Variants in CDK14 observed in about 807,000 individuals in gnomAD.
The protein encoded by CDK14 is cyclin dependent kinase 14, also known as cyclin-dependent kinase 14.
A neutral mutation model predicts 60.7 loss-of-function variants in CDK14; 34 were observed. That is an observed-to-expected ratio of 0.56 (90% CI 0.43 to 0.75). CDK14 has a LOEUF of 0.75. CDK14 is among the 30% of genes least tolerant of loss of function. The pLI, the probability that CDK14 is intolerant of heterozygous loss-of-function variation, is 0.00. For synonymous variants in CDK14, 197 were observed against 203.7 expected (o/e 0.97, Z 0.28); for missense variants, 482 against 564.1 (o/e 0.85, Z 1.47).
chr7:90,778,846 ACCTTCCTT>A (rs35971285), intron 4 of CDK14, among the ~76,000 whole-genome samples: 2,836 of 127,952 alleles, frequency 0.022, 46 homozygotes, highest in Non-Finnish European at 0.028. Context: ...AAATTGACCG[ACCTTCCTT>A]CCTTCCTTCC....
intron 10 of CDK14, among the ~76,000 whole-genome samples, chr7:91,030,327 C>CT (rs1330421982): frequency 6.6e-6 from 1 of 152,088 alleles, no homozygotes; most frequent in African/African-American, 2.4e-5. Context: ...ATAGCAGCGT[C>CT]TTTTTTTAGA....
chr7:91,036,357 C>A (rs1309703200), intron 10 of CDK14, among the ~76,000 whole-genome samples: 1 of 152,196 alleles, frequency 6.6e-6, no homozygotes, highest in Non-Finnish European at 1.5e-5. Context: ...TCAAAGCCAG[C>A]AAGGGAGCAA....
chr7:90,925,753 G>A (rs898223555), intron 8 of CDK14, among the ~76,000 whole-genome samples: 1 of 152,210 alleles, frequency 6.6e-6, no homozygotes, highest in African/African-American at 2.4e-5. Flanking sequence ...TCAAAGAATT[G>A]AAAGCGGGAG....
chr7:90,999,035 T>C (rs762107276), intron 10 of CDK14, among the ~76,000 whole-genome samples: 4 of 152,178 alleles, frequency 2.6e-5, no homozygotes, highest in Non-Finnish European at 5.9e-5. Context: ...GGCAAGAGCA[T>C]GTCAGCTCCG....
intron 10 of CDK14, among the ~76,000 whole-genome samples, chr7:91,022,865 A>T (rs1430199050): frequency 6.6e-6 from 1 of 152,184 alleles, no homozygotes; most frequent in Non-Finnish European, 1.5e-5. Context: ...TGTAAGAAGA[A>T]TTATTTCCTG....
chr7:90,717,156 ACAAAATGAAGAAGTATAGGCAT>A (rs939205951), intron 2 of CDK14, among the ~76,000 whole-genome samples: 4 of 152,210 alleles, frequency 2.6e-5, no homozygotes, highest in African/African-American at 7.2e-5. Context: ...TATGATTTGG[ACAAAATGAAGAAGTATAGGCAT>A]CAAAATGAAG....
At chr7:90,815,196 C>G (rs960991435) in intron 5 of CDK14, among the ~76,000 whole-genome samples, 4 of 152,150 alleles carry the variant, frequency 2.6e-5, no homozygotes, top group African/African-American at 9.7e-5. Context: ...CAAGCACTGA[C>G]TAGTAATATC....
chr7:90,709,326 TG>T, intron 2 of CDK14: 2 of 963,360 alleles, frequency 2.1e-6, no homozygotes, highest in Non-Finnish European at 2.8e-6. Context: ...TATTATTTAA[TG>T]GGGTTGTCAC....
chr7:90,672,153 G>A (rs62469727), intron 2 of CDK14, among the ~76,000 whole-genome samples: 14,298 of 152,058 alleles, frequency 0.094, 828 homozygotes, highest in South Asian at 0.15. Context: ...CTTTTTCTTG[G>A]GTAATACCTT....
At chr7:91,189,698 A>C (rs142936820) in intron 14 of CDK14, among the ~76,000 whole-genome samples, 353 of 152,306 alleles carry the variant, frequency 2.3e-3, no homozygotes, top group Non-Finnish European at 4.3e-3. Context: ...TGTATCCAGT[A>C]CTACTATTGA....
rs1202911870 is a variant in CDK14, at chr7:90,917,912, T to A, written c.826+188T>A. Among the ~76,000 whole-genome samples, 27 of 152,194 alleles carry A rather than the reference T, an allele frequency of 1.8e-4. 1 individual carries two copies. The highest frequency in any genetic ancestry group is 1.8e-3 in the Admixed American group (27 of 15,264). ...AAATATAATGCTTTGTGGAGTTTTA[T>A]AAAATTCAGACTGCTTGTTAGAGTC... On this transcript the variant is annotated intron_variant, in intron 8 of 14. Coordinates refer to ENST00000380050, the MANE Select transcript of CDK14 (RefSeq NM_001287135.2).
intron 2 of CDK14, among the ~76,000 whole-genome samples, chr7:90,649,238 TTC>T (rs992072314): frequency 3.1e-4 from 9 of 29,152 alleles, no homozygotes; most frequent in Admixed American, 1.9e-3. Flanking sequence ...AGCCTATAGT[TTC>T]TTTCTTTCTT....
chr7:90,630,930 C>T (rs1799983273), intron 2 of CDK14, among the ~76,000 whole-genome samples: 1 of 118,482 alleles, frequency 8.4e-6, no homozygotes, highest in Non-Finnish European at 1.8e-5. Flanking sequence ...CTAAATCACA[C>T]ATATGAAAGA....
chr7:91,045,742 G>T (rs964790796), intron 10 of CDK14, among the ~76,000 whole-genome samples, 155 bp from the exon 11 acceptor site: 20 of 152,204 alleles, frequency 1.3e-4, no homozygotes, highest in South Asian at 6.2e-4. Flanking sequence ...CTTTAGCTGG[G>T]TTTGTTTTTA....
At chr7:91,024,428 A>AT (rs1796515749) in intron 10 of CDK14, among the ~76,000 whole-genome samples, 1 of 152,124 alleles carries the variant, frequency 6.6e-6, no homozygotes, top group Non-Finnish European at 1.5e-5. Context: ...TAAGGCAGGC[A>AT]TATCATCGAG....
At chr7:90,856,609 G>A (rs3802033) in intron 5 of CDK14, among the ~76,000 whole-genome samples, 2 of 152,182 alleles carry the variant, frequency 1.3e-5, no homozygotes, top group East Asian at 1.9e-4. Context: ...CCTCATTACA[G>A]ACAGTTAAAC....
intron 10 of CDK14, among the ~76,000 whole-genome samples, chr7:91,014,430 G>A (rs1796246262): frequency 6.6e-6 from 1 of 152,058 alleles, no homozygotes; most frequent in African/African-American, 2.4e-5. Flanking sequence ...TCCTTTCTTG[G>A]AGTCAAACAT....
chr7:91,009,059 T>C (rs577910778), intron 10 of CDK14, among the ~76,000 whole-genome samples: 7 of 152,176 alleles, frequency 4.6e-5, no homozygotes, highest in Non-Finnish European at 1.0e-4. Flanking sequence ...ATCTGTCTGC[T>C]GTCACTGTAG....
intron 10 of CDK14, among the ~76,000 whole-genome samples, chr7:91,044,542 A>G (rs924959347): frequency 5.9e-5 from 9 of 152,168 alleles, no homozygotes; most frequent in African/African-American, 2.2e-4. Context: ...GAAAGGAGGC[A>G]GGTATAATGA....
Sources: gnomAD v4.1 joint callset for allele counts (sites outside exome capture counted in the v4.1 genomes callset) on GRCh38, gnomAD v4.1.1 for gene constraint, MANE v1.5 for transcripts, NCBI Gene and HGNC (gene_info 2026-07-23, HGNC 2026-07-21) for gene names.